Variants in SLC2A9 observed in about 807,000 individuals in gnomAD.
The protein encoded by SLC2A9 is solute carrier family 2 member 9.
In SLC2A9, 39 loss-of-function variants were observed where a neutral mutation model predicts 50.6. That is an observed-to-expected ratio of 0.77 (90% confidence interval 0.60 to 1.01). The LOEUF is 1.01. SLC2A9 is among the 50% of genes least tolerant of loss of function. The probability of loss-of-function intolerance (pLI) is 0.00; values close to 1 mark genes in which losing one functional copy is unlikely to be tolerated. For synonymous variants in SLC2A9, 324 were observed against 276.9 expected (o/e 1.17, Z -1.69); for missense variants, 686 against 677.6 (o/e 1.01, Z -0.14).
Position 9,850,861 on chromosome 4 carries a change from C to A in SLC2A9, c.1292-15853G>T, listed in dbSNP as rs573857795. On this transcript the variant is annotated intron_variant, in intron 10 of 11. Transcript: ENST00000264784. ...GTGCCCCCTACTGATACATGGGTACCCTACCATGCTGCCACTGCCAGCATG... is the reference window on the plus strand; with the variant it reads ...GTGCCCCCTACTGATACATGGGTACACTACCATGCTGCCACTGCCAGCATG... 1.1e-4 allele frequency among the ~76,000 whole-genome samples: 16 copies of A among 152,190 alleles called. No homozygotes were observed. In the East Asian group the frequency reaches 2.3e-3, roughly 22 times the overall value.
chr4:9,907,556 A>T (rs1740914967), intron 8 of SLC2A9, among the ~76,000 whole-genome samples: 1 of 151,732 alleles, frequency 6.6e-6, no homozygotes, highest in Non-Finnish European at 1.5e-5. Flanking sequence ...TGCCTTGCAA[A>T]CTCCCACATG....
chr4:10,032,302 T>TG (rs768827844), intron 1 of SLC2A9, among the ~76,000 whole-genome samples: 12 of 151,580 alleles, frequency 7.9e-5, no homozygotes, highest in Non-Finnish European at 1.6e-4. Context: ...GTGGGTTGGG[T>TG]GGGGGTCCAG....
At chr4:9,942,220 T>C (rs1045127220) in intron 5 of SLC2A9, among the ~76,000 whole-genome samples, 175 bp from the exon 6 acceptor site, 1 of 152,206 alleles carries the variant, frequency 6.6e-6, no homozygotes, top group Non-Finnish European at 1.5e-5. Flanking sequence ...CCCACGTATA[T>C]AGCATTTTCC....
At chr4:9,995,014 C>A (rs1173950531) in intron 3 of SLC2A9, among the ~76,000 whole-genome samples, 1 of 152,142 alleles carries the variant, frequency 6.6e-6, no homozygotes, top group African/African-American at 2.4e-5. Context: ...TTTTACAGTA[C>A]ATTCCCAGCA....
chr4:9,819,470 A>G (rs770722442), intron 3 of SLC2A9, among the ~76,000 whole-genome samples: 1 of 152,160 alleles, frequency 6.6e-6, no homozygotes, highest in African/African-American at 2.4e-5. Flanking sequence ...CCATTTGTAT[A>G]CCTTGTGCCT....
In SLC2A9 at chr4:9,889,896, C is replaced by T. The variant is rs557949591; in HGVS notation, c.1215+714G>A. ...TAATTGCCACCTTTTGGTGGTGTAACCTTGGGAAGCTTATTTATTTATATT... is the reference window on the plus strand; with the variant it reads ...TAATTGCCACCTTTTGGTGGTGTAATCTTGGGAAGCTTATTTATTTATATT... On this transcript the variant is annotated intron_variant, in intron 9 of 11. Coordinates refer to ENST00000264784, the MANE Select transcript of SLC2A9 (RefSeq NM_020041.3). Among the ~76,000 whole-genome samples the T allele has an allele frequency of 2.6e-5, 4 of 152,244 alleles. No homozygotes were observed. The South Asian group carries it at 6.2e-4, about 24-fold the overall frequency.
At chr4:9,850,818 G>A (rs190469620) in intron 10 of SLC2A9, among the ~76,000 whole-genome samples, 17 of 152,190 alleles carry the variant, frequency 1.1e-4, no homozygotes, top group African/African-American at 3.9e-4. Context: ...ACCACTGCTG[G>A]CATGTGCGTA....
intron 3 of SLC2A9, chr4:9,782,080 A>G (rs1718484849): frequency 6.6e-7 from 1 of 1,520,768 alleles, no homozygotes; most frequent in Non-Finnish European, 8.8e-7. Context: ...AGTTCGCTCT[A>G]TACCAGCAGC....
chr4:9,947,262 A>G (rs1054375266), intron 5 of SLC2A9, among the ~76,000 whole-genome samples: 1 of 152,196 alleles, frequency 6.6e-6, no homozygotes, highest in Non-Finnish European at 1.5e-5. Context: ...CAGTTGTCCT[A>G]GCCTGCAGGT....
chr4:9,927,030 ATTTTT>A (rs35095818), intron 6 of SLC2A9, among the ~76,000 whole-genome samples: 1 of 135,854 alleles, frequency 7.4e-6, no homozygotes, highest in Non-Finnish European at 1.6e-5. Flanking sequence ...CTGTTGTTCG[ATTTTT>A]TTTTTTTTTT....
intron 10 of SLC2A9, among the ~76,000 whole-genome samples, chr4:9,842,671 T>C (rs1049721808): frequency 1.3e-5 from 2 of 152,232 alleles, no homozygotes; most frequent in African/African-American, 4.8e-5. Flanking sequence ...CTGTATCCAA[T>C]GTGTCTTGCA....
At chr4:9,870,638 T>C (rs1733270717) in intron 10 of SLC2A9, among the ~76,000 whole-genome samples, 1 of 152,210 alleles carries the variant, frequency 6.6e-6, no homozygotes, top group Non-Finnish European at 1.5e-5. Context: ...AGCTCACTAA[T>C]TAACTCTGCC....
upstream of SLC2A9, among the ~76,000 whole-genome samples, chr4:10,022,446 C>A (rs573635397): frequency 6.6e-6 from 1 of 152,386 alleles, no homozygotes; most frequent in African/African-American, 2.4e-5. Context: ...CCCAGGCTGG[C>A]TCAAGGACAG....
intron 2 of SLC2A9, among the ~76,000 whole-genome samples, chr4:10,009,164 G>A (rs546259642): frequency 3.3e-5 from 5 of 152,200 alleles, no homozygotes; most frequent in South Asian, 2.1e-4. Flanking sequence ...AACTTATGTC[G>A]TTTGACACAG....
intron 3 of SLC2A9, among the ~76,000 whole-genome samples, chr4:9,989,716 G>A (rs1560446373): frequency 6.6e-6 from 1 of 152,000 alleles, no homozygotes. Flanking sequence ...TTCCCATTTT[G>A]CTCAGAGGAA....
At chr4:9,851,727 C>T (rs748885268) in intron 10 of SLC2A9, among the ~76,000 whole-genome samples, 2 of 151,816 alleles carry the variant, frequency 1.3e-5, no homozygotes, top group Non-Finnish European at 2.9e-5. Flanking sequence ...AAGAAAAAAC[C>T]AAACTTATCT....
chr4:9,854,722 T>G (rs1730474303), intron 10 of SLC2A9, among the ~76,000 whole-genome samples: 1 of 152,144 alleles, frequency 6.6e-6, no homozygotes. Flanking sequence ...AACAAAATCC[T>G]AGCAAACCAA....
chr4:9,786,965 T>C (rs894778818), intron 3 of SLC2A9, among the ~76,000 whole-genome samples: 3 of 152,298 alleles, frequency 2.0e-5, no homozygotes, highest in African/African-American at 4.8e-5. Context: ...CGAGAGGACT[T>C]GGCCAGGCAG....
At chr4:9,778,279 C>A (rs28503291), downstream of SLC2A9, among the ~76,000 whole-genome samples, 587 of 152,208 alleles carry the variant, frequency 3.9e-3, 3 homozygotes, top group African/African-American at 0.012. Flanking sequence ...CCCACCACGC[C>A]TGGCTAATTT....
Sources: allele counts gnomAD v4.1 joint callset (sites outside exome capture counted in the v4.1 genomes callset), GRCh38; gene constraint gnomAD v4.1.1; transcripts MANE v1.5; gene names NCBI Gene and HGNC (gene_info 2026-07-23, HGNC 2026-07-21).